Variants in SP2 observed in about 807,000 individuals in gnomAD.
SP2 encodes the protein Sp2 transcription factor.
Under a neutral mutation model 50.1 loss-of-function variants are expected in SP2, and 9 were observed. That is an observed-to-expected ratio of 0.18 (90% CI 0.11 to 0.31). The LOEUF is 0.31. Ranked by LOEUF, SP2 falls within the 10% of genes least tolerant of loss-of-function variation. The pLI is 1.00. For synonymous variants in SP2, 313 were observed against 326.6 expected (o/e 0.96, Z 0.45); for missense variants, 581 against 806.5 (o/e 0.72, Z 3.39).
In SP2 at chr17:47,928,138, T is replaced by C; in HGVS notation, c.*314T>C. On this transcript the variant is annotated 3_prime_UTR_variant, in exon 7 of 7. Transcript: ENST00000376741. ...TCCAAAGGAAAAACATGCATTTCACTCCGTCGAGGAGCAAAGTGAGCCCCT... is the reference window on the plus strand; with the variant it reads ...TCCAAAGGAAAAACATGCATTTCACCCCGTCGAGGAGCAAAGTGAGCCCCT... 1 of 253,142 alleles carries C rather than the reference T, an allele frequency of 4.0e-6. No homozygotes were observed. Among genetic ancestry groups the C allele is most frequent in the South Asian group, 6.2e-5 (1 of 16,132 alleles). 15.7% of individuals were successfully genotyped at this position (253,142 alleles called of 1,614,324 possible). A position where few individuals can be genotyped will look rare whatever the true frequency, so the allele number is the denominator to read the frequency against.
chr17:47,906,014 T>C (rs1470794938), intron 1 of SP2, among the ~76,000 whole-genome samples: 3 of 152,072 alleles, frequency 2.0e-5, no homozygotes, highest in African/African-American at 7.2e-5. Context: ...TTCTGGCCTT[T>C]ATAAGTTTAT....
chr17:47,917,705 C>T, intron 3 of SP2: 1 of 380,734 alleles, frequency 2.6e-6, no homozygotes, highest in Non-Finnish European at 5.3e-6. Flanking sequence ...GTCTTAATCT[C>T]CTGGGCTCAA....
chr17:47,923,367 T>C, intron 4 of SP2, 93 bp downstream of exon 4: 1 of 1,028,862 alleles, frequency 9.7e-7, no homozygotes, highest in Non-Finnish European at 1.4e-6. Context: ...CCAGTAACAA[T>C]AGTGAGGATG....
chr17:47,919,221 G>A (rs181653039), intron 3 of SP2, among the ~76,000 whole-genome samples: 98 of 152,220 alleles, frequency 6.4e-4, no homozygotes, highest in Non-Finnish European at 1.1e-3. Context: ...ACCAGCCTGG[G>A]CAAGATAGCA....
At chr17:47,914,176 G>T (rs900611006) in intron 1 of SP2, among the ~76,000 whole-genome samples, 1 of 152,210 alleles carries the variant, frequency 6.6e-6, no homozygotes. Flanking sequence ...TTTGAGAACA[G>T]CCTGACCAAC....
At chr17:47,901,902 T>C (rs1162448040) in intron 1 of SP2, among the ~76,000 whole-genome samples, 2 of 152,316 alleles carry the variant, frequency 1.3e-5, no homozygotes, top group East Asian at 3.9e-4. Context: ...TGCCAGGGAC[T>C]GGGATACATC....
downstream of SP2, among the ~76,000 whole-genome samples, chr17:47,931,375 G>A (rs2035814832): frequency 1.3e-5 from 2 of 152,108 alleles, no homozygotes; most frequent in Admixed American, 1.3e-4. Flanking sequence ...CATCTTTCCA[G>A]TGCCCTTGTG....
chr17:47,930,289 C>T (rs1026288085), downstream of SP2, among the ~76,000 whole-genome samples: 2 of 152,186 alleles, frequency 1.3e-5, no homozygotes, highest in Middle Eastern at 6.3e-3. Context: ...ACAAAGTGAC[C>T]TCTTTTTGCC....
At chr17:47,915,194 CAA>C (rs1157043902) in intron 1 of SP2, 116 bp from the exon 2 acceptor site, 2 of 697,588 alleles carry the variant, frequency 2.9e-6, no homozygotes, top group Middle Eastern at 2.6e-4. Flanking sequence ...GCCTGGGCAA[CAA>C]GAGCAAAAAT....
intron 1 of SP2, among the ~76,000 whole-genome samples, chr17:47,912,749 C>T (rs546131563): frequency 6.6e-6 from 1 of 152,216 alleles, no homozygotes; most frequent in East Asian, 1.9e-4. Context: ...CCCGTGCCTT[C>T]ACCTTTTCTT....
chr17:47,913,204 C>G (rs1278093918), intron 1 of SP2, among the ~76,000 whole-genome samples: 1 of 151,726 alleles, frequency 6.6e-6, no homozygotes, highest in East Asian at 1.9e-4. Context: ...AAGGACTCAA[C>G]CCCTGCGCCT....
chr17:47,916,506 C>A lies in SP2; in HGVS notation c.435C>A (p.Thr145=), dbSNP rs764453127. Residue 145 remains threonine, a synonymous_variant, in exon 3 of 7, where the codon ACC becomes ACA. Transcript: ENST00000376741. The surrounding 1 kb of genome is among the most constrained non-coding windows in gnomAD (Gnocchi z 4.7). ...VPQIQASNSQ[T]IQVQPNLTNQ... is the part of the protein sequence containing the mutation. ...AGATTCAGGCAAGCAATTCCCAAAC[C>A]ATCCAAGTACAGCCCAATCTCACCA... 6.2e-7 allele frequency: 1 copy of A among 1,614,118 alleles called. No individual in the cohort carries two copies. Among genetic ancestry groups the A allele is most frequent in the South Asian group, 1.1e-5 (1 of 91,074 alleles).
At chr17:47,930,175 G>A (rs761189889), downstream of SP2, among the ~76,000 whole-genome samples, 14 of 152,170 alleles carry the variant, frequency 9.2e-5, no homozygotes, top group East Asian at 1.9e-4. Context: ...GGCAGCAGGT[G>A]GAAGACATGA....
chr17:47,925,930 T>TTTTTTTTTTTTTTTTTTC (rs2035628780), intron 6 of SP2, among the ~76,000 whole-genome samples: 17 of 107,078 alleles, frequency 1.6e-4, no homozygotes, highest in African/African-American at 5.7e-4. Context: ...TTTTTTTTTT[T>TTTTTTTTTTTTTTTTTTC]TTTGGAGATG....
At chr17:47,903,063 G>C (rs1195882780) in intron 1 of SP2, among the ~76,000 whole-genome samples, 1 of 152,156 alleles carries the variant, frequency 6.6e-6, no homozygotes, top group Admixed American at 6.5e-5. Flanking sequence ...GCTGGGGCTA[G>C]TTAGATTTAC....
chr17:47,904,859 T>C (rs1288446019), intron 1 of SP2, among the ~76,000 whole-genome samples: 1 of 152,162 alleles, frequency 6.6e-6, no homozygotes, highest in Admixed American at 6.5e-5. Flanking sequence ...AGCCTCGACT[T>C]CCTGGACTCA....
intron 2 of SP2, among the ~76,000 whole-genome samples, chr17:47,915,595 T>G (rs890640438): frequency 6.6e-6 from 1 of 152,184 alleles, no homozygotes; most frequent in South Asian, 2.1e-4. Flanking sequence ...AGGATTAAAC[T>G]CTGTGTTCCT....
chr17:47,910,119 G>A (rs956300294), intron 1 of SP2, among the ~76,000 whole-genome samples: 39 of 152,160 alleles, frequency 2.6e-4, no homozygotes, highest in African/African-American at 7.0e-4. Context: ...GATTACAGGC[G>A]TGAGCCACCA....
downstream of SP2, among the ~76,000 whole-genome samples, chr17:47,931,280 G>A (rs1309576678): frequency 1.3e-5 from 2 of 152,182 alleles, no homozygotes; most frequent in Non-Finnish European, 1.5e-5. Context: ...CCAGTAGGCA[G>A]AGGTTGCAGT....
Sources: allele counts gnomAD v4.1 joint callset (sites outside exome capture counted in the v4.1 genomes callset), GRCh38; gene constraint gnomAD v4.1.1; non-coding constraint Gnocchi (gnomAD v3.1); transcripts MANE v1.5; gene names NCBI Gene and HGNC (gene_info 2026-07-23, HGNC 2026-07-21).